The following CHCHD3 variants were observed in gnomAD, a reference collection of about 807,000 sequenced individuals.
The protein encoded by CHCHD3 is coiled-coil-helix-coiled-coil-helix domain containing 3, also known as MICOS complex subunit MIC19.
CHCHD3 carries 20 observed loss-of-function variants against 38.2 expected under a neutral mutation model. That is an observed-to-expected ratio of 0.52 (90% CI 0.37 to 0.76). The LOEUF (loss-of-function observed/expected upper bound fraction) is 0.76, where lower values mean the gene tolerates loss of function less well. Ranked by LOEUF, CHCHD3 falls within the 30% of genes least tolerant of loss-of-function variation. The pLI is 0.00. For synonymous variants in CHCHD3, 82 were observed against 100.0 expected (o/e 0.82, Z 1.07); for missense variants, 245 against 279.2 (o/e 0.88, Z 0.87).
In CHCHD3 at chr7:132,821,747, C is replaced by CTTTT. The variant is rs71178063; in HGVS notation, c.524+16648_524+16651dup. 1.9e-3 allele frequency among the ~76,000 whole-genome samples: 194 copies of CTTTT among 100,274 alleles called. 27 individuals are homozygous for CTTTT. The highest frequency in any genetic ancestry group is 6.1e-3 in the African/African-American group (137 of 22,320). The allele number at this position is 100,274 out of a possible 152,430, so 65.8% of individuals were successfully genotyped here. Reference sequence around the variant, plus strand: ...GTGGCCAAAAGCTTAGCACTCAAATCTTTTTTTTTTTTTTTTTTTTTTTTT... The same window carrying CTTTT: ...GTGGCCAAAAGCTTAGCACTCAAATCTTTTTTTTTTTTTTTTTTTTTTTTTTTTT... On this transcript the variant is annotated intron_variant, in intron 6 of 7. Coordinates refer to ENST00000262570, the MANE Select transcript of CHCHD3 (RefSeq NM_017812.4).
chr7:132,926,567 G>A (rs1307258082), intron 4 of CHCHD3, among the ~76,000 whole-genome samples: 2 of 152,180 alleles, frequency 1.3e-5, no homozygotes, highest in East Asian at 1.9e-4. Context: ...ATGAGATAAT[G>A]TACATATTTG....
intron 6 of CHCHD3, among the ~76,000 whole-genome samples, chr7:132,811,082 AT>A (rs1410661121): frequency 6.6e-6 from 1 of 152,142 alleles, no homozygotes; most frequent in Non-Finnish European, 1.5e-5. Flanking sequence ...GAAAAAAAAA[AT>A]AAACCAAAAG....
intron 3 of CHCHD3, among the ~76,000 whole-genome samples, chr7:133,020,861 G>C (rs992647248): frequency 6.6e-6 from 1 of 151,702 alleles, no homozygotes; most frequent in African/African-American, 2.4e-5. Context: ...ATCCAATGTG[G>C]GCTGGTTTGA....
intron 5 of CHCHD3, among the ~76,000 whole-genome samples, chr7:132,862,180 G>A (rs371126556): frequency 1.3e-5 from 2 of 151,962 alleles, no homozygotes; most frequent in Non-Finnish European, 2.9e-5. Flanking sequence ...CAAGGGAGGG[G>A]AGGGAAAGAA....
chr7:132,919,781 C>T (rs968527650), intron 4 of CHCHD3, among the ~76,000 whole-genome samples: 20 of 152,096 alleles, frequency 1.3e-4, no homozygotes, highest in Non-Finnish European at 2.4e-4. Flanking sequence ...TCCTTGGGAC[C>T]CAAACCGTTA....
chr7:132,969,141 CTTTTTTTTTTTACTGTG>C (rs1484317619), intron 4 of CHCHD3, among the ~76,000 whole-genome samples: 7 of 139,856 alleles, frequency 5.0e-5, no homozygotes, highest in Non-Finnish European at 1.1e-4. Context: ...TTCACCCATC[CTTTTTTTTTTTACTGTG>C]TTTTTTTTTT....
chr7:132,786,601 A>ACTCAGAG (rs1806325393), intron 7 of CHCHD3, among the ~76,000 whole-genome samples: 1 of 151,962 alleles, frequency 6.6e-6, no homozygotes, highest in Non-Finnish European at 1.5e-5. Context: ...TTTTGCAACC[A>ACTCAGAG]CTCAGAGAGG....
chr7:132,957,151 G>A (rs1401096389), intron 4 of CHCHD3, among the ~76,000 whole-genome samples: 1 of 152,222 alleles, frequency 6.6e-6, no homozygotes, highest in Non-Finnish European at 1.5e-5. Context: ...TGGAGACCTG[G>A]AGGCTGGTTC....
intron 3 of CHCHD3, among the ~76,000 whole-genome samples, chr7:133,008,136 G>C (rs1812753157): frequency 6.6e-6 from 1 of 152,124 alleles, no homozygotes. Context: ...ACACCCTTAA[G>C]ATGACTATCT....
chr7:132,977,534 C>T (rs1811799586), intron 3 of CHCHD3, among the ~76,000 whole-genome samples: 2 of 151,988 alleles, frequency 1.3e-5, no homozygotes, highest in Admixed American at 6.6e-5. Flanking sequence ...ACATCTTACC[C>T]CTAAGTAAAA....
chr7:133,035,197 G>C lies in CHCHD3; in HGVS notation c.170-10570C>G. 2 of 1,613,728 alleles carry C rather than the reference G, an allele frequency of 1.2e-6. No individual in the cohort carries two copies. The highest frequency in any genetic ancestry group is 1.7e-6 in the Non-Finnish European group (2 of 1,179,712). On this transcript the variant is annotated intron_variant, in intron 2 of 7. Transcript: ENST00000262570. The surrounding 1 kb of genome is among the most constrained non-coding windows in gnomAD (Gnocchi z 4.7). ...TCCTTCCGCTCAGCCTGGGGCTTCTGCTTCTCTTCCCGTGAACCCTTCTCT... is the reference window on the plus strand; with the variant it reads ...TCCTTCCGCTCAGCCTGGGGCTTCTCCTTCTCTTCCCGTGAACCCTTCTCT...
At chr7:133,059,808 G>C (rs1484061762) in intron 2 of CHCHD3, among the ~76,000 whole-genome samples, 1 of 152,156 alleles carries the variant, frequency 6.6e-6, no homozygotes, top group Non-Finnish European at 1.5e-5. Flanking sequence ...TTGCCTCTTA[G>C]TGGACACAGG....
intron 3 of CHCHD3, among the ~76,000 whole-genome samples, chr7:133,000,922 A>C (rs1490556557): frequency 6.6e-6 from 1 of 152,196 alleles, no homozygotes; most frequent in East Asian, 1.9e-4. Flanking sequence ...TAAGTCTCAA[A>C]ATCATAGCTA....
chr7:133,067,336 TATC>T (rs1441948001), intron 2 of CHCHD3, among the ~76,000 whole-genome samples: 1 of 152,228 alleles, frequency 6.6e-6, no homozygotes, highest in Non-Finnish European at 1.5e-5. Flanking sequence ...TGTATCCATA[TATC>T]ATCATTCTTT....
chr7:132,990,943 G>GACACACAGACACACACACAC (rs1201876742), intron 3 of CHCHD3, among the ~76,000 whole-genome samples: 1 of 79,426 alleles, frequency 1.3e-5, no homozygotes, highest in African/African-American at 5.0e-5. Flanking sequence ...CCCCTACACA[G>GACACACAGACACACACACAC]ACACACATAC....
At chr7:133,081,377 T>G (rs1347917956) in intron 1 of CHCHD3, among the ~76,000 whole-genome samples, 5 of 139,952 alleles carry the variant, frequency 3.6e-5, no homozygotes, top group East Asian at 2.2e-4. Flanking sequence ...GTGTGGGGAG[T>G]GGGTGGGAGG....
rs138571453 is a variant in CHCHD3 at position 132,863,961 on chromosome 7, C to T, written c.453+21701G>A. On this transcript the variant is annotated intron_variant, in intron 5 of 7. Transcript: ENST00000262570. ...ATGTTGTGGCTGGTCTGATATTCCA[C>T]CAAACCACGAATCTTTCTCCACAGC... 1.2e-3 allele frequency among the ~76,000 whole-genome samples: 179 copies of T among 152,304 alleles called. 1 individual carries two copies. The highest frequency in any genetic ancestry group is 4.2e-3 in the African/African-American group (174 of 41,558).
Position 132,903,504 on chromosome 7 carries a change from G to A in CHCHD3, c.370-17759C>T, listed in dbSNP as rs569628981. Among the ~76,000 whole-genome samples, 3 of 152,188 alleles carry A rather than the reference G, an allele frequency of 2.0e-5. No individual in the cohort carries two copies. The South Asian group carries it at 6.2e-4, about 32-fold the overall frequency. ...GTGACCTGCCTGAAATCCACAAGCT[G>A]GAAGAGCTGTCTCATGAACACAGAA... is the stretch of plus-strand genomic sequence containing the variant. On this transcript the variant is annotated intron_variant, in intron 4 of 7. Transcript: ENST00000262570.
intron 3 of CHCHD3, among the ~76,000 whole-genome samples, chr7:132,977,085 T>C (rs565407774): frequency 7.1e-4 from 108 of 152,316 alleles, no homozygotes; most frequent in Middle Eastern, 3.4e-3. Flanking sequence ...GACCATACAA[T>C]AAATTCAGCA....
Sources: allele counts gnomAD v4.1 joint callset (sites outside exome capture counted in the v4.1 genomes callset), GRCh38; gene constraint gnomAD v4.1.1; non-coding constraint Gnocchi (gnomAD v3.1); transcripts MANE v1.5; gene names NCBI Gene and HGNC (gene_info 2026-07-23, HGNC 2026-07-21).